CHST15: variants seen among roughly 807,000 people sequenced by gnomAD.
CHST15 encodes the protein carbohydrate sulfotransferase 15.
A neutral mutation model predicts 53.6 loss-of-function variants in CHST15; 30 were observed. The observed-to-expected ratio is 0.56, with a 90% CI of 0.42 to 0.76. The LOEUF (loss-of-function observed/expected upper bound fraction) is 0.76, where lower values mean the gene tolerates loss of function less well. CHST15 is among the 30% of genes least tolerant of loss of function. The pLI, the probability that CHST15 is intolerant of heterozygous loss-of-function variation, is 0.00. For synonymous variants in CHST15, 296 were observed against 289.8 expected (o/e 1.02, Z -0.22); for missense variants, 627 against 740.5 (o/e 0.85, Z 1.78).
chr10:124,021,247 G>T lies in CHST15; in HGVS notation c.1347+9C>A, dbSNP rs772494980. 8 of 1,543,136 alleles carry T rather than the reference G, an allele frequency of 5.2e-6. No homozygotes were observed. The highest frequency in any genetic ancestry group is 1.7e-5 in the Admixed American group (1 of 57,714). On this transcript the variant is annotated intron_variant, in intron 6 of 7. Coordinates refer to ENST00000435907, the MANE Select transcript of CHST15 (RefSeq NM_001270764.2). Reference sequence around the variant, plus strand: ...CAGCTCGGGGGGTACGGGGGGGGGGGGTACACACAGGCATGGCGTTGTTGA... The same window carrying T: ...CAGCTCGGGGGGTACGGGGGGGGGGTGTACACACAGGCATGGCGTTGTTGA...
At chr10:124,031,086 G>A (rs902598235) in intron 5 of CHST15, among the ~76,000 whole-genome samples, 1 of 152,242 alleles carries the variant, frequency 6.6e-6, no homozygotes, top group Non-Finnish European at 1.5e-5. Context: ...ACCACCAGCA[G>A]CAACCAAGGT....
At chr10:124,028,236 C>T (rs1401840509) in intron 5 of CHST15, among the ~76,000 whole-genome samples, 4 of 152,286 alleles carry the variant, frequency 2.6e-5, no homozygotes, top group African/African-American at 7.2e-5. Flanking sequence ...GAACACACTG[C>T]GGGATCTTGT....
In CHST15 at chr10:124,044,592, G is replaced by A; in HGVS notation, c.874C>T (p.Arg292Trp). Reference protein sequence around the residue: ...SAIKEPHWWTRKRFGIVRLRD... With the variant: ...SAIKEPHWWTWKRFGIVRLRD... ...ACCCAGCACTCACCAAAGCGCTTCCGGGTCCACCAGTGTGGCTCCTTGATG... is the reference window on the plus strand; with the variant it reads ...ACCCAGCACTCACCAAAGCGCTTCCAGGTCCACCAGTGTGGCTCCTTGATG... The change falls in exon 3 of 8, where the codon CGG (arginine) becomes TGG (tryptophan). Residue 292 changes from arginine to tryptophan, a missense_variant. Physicochemically the swap from Arg to Trp is moderately radical, Grantham distance 101 (BLOSUM62 -3). Coordinates refer to ENST00000435907, the MANE Select transcript of CHST15 (RefSeq NM_001270764.2). 5 of 1,539,294 alleles carry A rather than the reference G, an allele frequency of 3.2e-6. No homozygotes were observed. The highest frequency in any genetic ancestry group is 4.4e-6 in the Non-Finnish European group (5 of 1,140,914).
At chr10:124,026,707 G>T (rs538109827) in intron 5 of CHST15, among the ~76,000 whole-genome samples, 1 of 152,308 alleles carries the variant, frequency 6.6e-6, no homozygotes, top group Admixed American at 6.5e-5. Flanking sequence ...CCAGGCGACA[G>T]GCAGCTCACG....
Position 124,074,613 on chromosome 10 carries a change from TC to T in CHST15, c.-513+18855del, listed in dbSNP as rs1321812529. The stretch of plus-strand genomic sequence containing the variant: ...CTGCCTCCTCTCCCTCCGCGCAGCT[TC>T]CTCCATTATGACCTGGAGCTCTCCA... On this transcript the variant is annotated intron_variant, in intron 1 of 7. Coordinates refer to ENST00000435907, the MANE Select transcript of CHST15 (RefSeq NM_001270764.2). This position sits in a 1 kb window ranked among gnomAD's most constrained non-coding sequence, Gnocchi z 4.4. 6.6e-6 allele frequency among the ~76,000 whole-genome samples: 1 copy of T among 152,148 alleles called. No homozygotes were observed. Among genetic ancestry groups the T allele is most frequent in the Admixed American group, 6.5e-5 (1 of 15,272 alleles).
Position 124,009,804 on chromosome 10 carries a change from C to G in CHST15, c.*345G>C. The G allele has an allele frequency of 1.9e-6, 2 of 1,080,016 alleles. No individual in the cohort carries two copies. Among genetic ancestry groups the G allele is most frequent in the Non-Finnish European group, 2.3e-6 (2 of 887,982 alleles). 66.9% of individuals were successfully genotyped at this position (1,080,016 alleles called of 1,614,324 possible). On this transcript the variant is annotated 3_prime_UTR_variant, in exon 8 of 8. Transcript: ENST00000435907. ...CAGAACCCAGAGGCTCTCCAGAAGG[C>G]GGAGGCGGGCAGGGCCAGGCTGCCT...
At chr10:124,058,505 T>C (rs1948458205) in intron 1 of CHST15, among the ~76,000 whole-genome samples, 1 of 152,200 alleles carries the variant, frequency 6.6e-6, no homozygotes, top group African/African-American at 2.4e-5. Context: ...ACCGCTGGTC[T>C]GTGTGGCTGC....
intron 6 of CHST15, among the ~76,000 whole-genome samples, chr10:124,018,890 T>C (rs966625487): frequency 6.6e-6 from 1 of 151,952 alleles, no homozygotes; most frequent in Admixed American, 6.6e-5. Flanking sequence ...CTAGAAATAC[T>C]GGGAAAAAGA....
At chr10:124,089,287 G>C (rs1358052811) in intron 1 of CHST15, among the ~76,000 whole-genome samples, 1 of 152,226 alleles carries the variant, frequency 6.6e-6, no homozygotes, top group Admixed American at 6.5e-5. Context: ...TCCCAAGTCA[G>C]CTACCACTTT....
Position 124,044,584 on chromosome 10 carries a change from G to T in CHST15, c.882C>A (p.Arg294=). The T allele has an allele frequency of 6.6e-7, 1 of 1,522,778 alleles. No individual in the cohort carries two copies. The highest frequency in any genetic ancestry group is 8.8e-7 in the Non-Finnish European group (1 of 1,133,740). The allele number at this position is 1,522,778 out of a possible 1,614,324, so 94.3% of individuals were successfully genotyped here. A position where few individuals can be genotyped will look rare whatever the true frequency, so the allele number is the denominator to read the frequency against. ...GCCCTGGGACCCAGCACTCACCAAA[G>T]CGCTTCCGGGTCCACCAGTGTGGCT... ...IKEPHWWTRK[R]FGIVRLRDGL... is the part of the protein sequence containing the mutation. Residue 294 remains arginine (R), a synonymous_variant, in exon 3 of 8, where the codon CGC becomes CGA. Transcript: ENST00000435907.
At chr10:124,092,795 C>T (rs960950328) in intron 1 of CHST15, among the ~76,000 whole-genome samples, 1 of 152,266 alleles carries the variant, frequency 6.6e-6, no homozygotes, top group Non-Finnish European at 1.5e-5. Flanking sequence ...TCCCCGTCCC[C>T]TACCGCCAAA....
intron 1 of CHST15, among the ~76,000 whole-genome samples, chr10:124,050,068 CAT>C (rs1469486611): frequency 2.0e-5 from 3 of 152,150 alleles, no homozygotes; most frequent in Non-Finnish European, 4.4e-5. Context: ...GAGAAAAAAA[CAT>C]AAAACTGTCT....
chr10:124,035,134 C>CGGCTCCGCCCCCTAACAGAGACCCT (rs1947419883), intron 5 of CHST15, among the ~76,000 whole-genome samples: 1 of 125,638 alleles, frequency 8.0e-6, no homozygotes. Context: ...ACAGGGACCC[C>CGGCTCCGCCCCCTAACAGAGACCCT]GGCTCCGCCC....
chr10:124,065,081 G>T (rs913995659), intron 1 of CHST15, among the ~76,000 whole-genome samples: 11 of 152,172 alleles, frequency 7.2e-5, no homozygotes, highest in Admixed American at 2.0e-4. Context: ...TGTTGGGGGC[G>T]GGGGTTAAAT....
intron 1 of CHST15, among the ~76,000 whole-genome samples, chr10:124,073,748 C>T (rs1342671967): frequency 3.3e-5 from 5 of 152,346 alleles, no homozygotes; most frequent in Middle Eastern, 3.4e-3. Context: ...CATCAGACGA[C>T]GCCCATTTCC....
At chr10:124,075,549 A>G (rs1949049143) in intron 1 of CHST15, among the ~76,000 whole-genome samples, 1 of 152,088 alleles carries the variant, frequency 6.6e-6, no homozygotes, top group Non-Finnish European at 1.5e-5. Flanking sequence ...TCTCTCCCCC[A>G]AGACGCTGCT....
intron 6 of CHST15, 40 bp downstream of exon 6, chr10:124,021,215 CA>C: frequency 1.4e-6 from 2 of 1,398,782 alleles, no homozygotes; most frequent in East Asian, 4.9e-5. Context: ...CTCCTTCTGC[CA>C]GGGGCCAGCT....
intron 1 of CHST15, among the ~76,000 whole-genome samples, chr10:124,085,118 C>A (rs1487399456): frequency 6.6e-6 from 1 of 152,192 alleles, no homozygotes; most frequent in Non-Finnish European, 1.5e-5. Context: ...CCTCAGTAGA[C>A]CCATAGTCTG....
intron 6 of CHST15, among the ~76,000 whole-genome samples, chr10:124,013,652 G>A (rs1027788608): frequency 6.6e-6 from 1 of 152,242 alleles, no homozygotes; most frequent in African/African-American, 2.4e-5. Context: ...ACTGGTGTCA[G>A]AAGTGAGAGC....
Sources: allele counts gnomAD v4.1 joint callset (sites outside exome capture counted in the v4.1 genomes callset), GRCh38; gene constraint gnomAD v4.1.1; non-coding constraint Gnocchi (gnomAD v3.1); transcripts MANE v1.5; gene names NCBI Gene and HGNC (gene_info 2026-07-23, HGNC 2026-07-21).